The following SLC22A25 variants were observed in gnomAD, a reference collection of about 807,000 sequenced individuals.
The protein encoded by SLC22A25 is solute carrier family 22 member 25, also known as MGI:2442751, MGI:2385316, MGI:3042283, MGI:3645714, MGI:3605624, MGI:2442750.
SLC22A25 carries 44 observed loss-of-function variants against 45.9 expected under a neutral mutation model. That is an observed-to-expected ratio of 0.96 (90% confidence interval 0.75 to 1.23). The LOEUF is 1.23. Ranked by LOEUF, SLC22A25 falls within the 50% of genes most tolerant of loss-of-function variation. The probability of loss-of-function intolerance (pLI) is 0.00; values close to 1 mark genes in which losing one functional copy is unlikely to be tolerated. For synonymous variants in SLC22A25, 283 were observed against 238.6 expected, an observed-to-expected ratio of 1.19 and a Z score of -1.72; for missense variants, 800 against 666.4, an observed-to-expected ratio of 1.20 and a Z score of -2.21.
intron 7 of SLC22A25, among the ~76,000 whole-genome samples, chr11:63,194,255 G>A (rs1260742271): frequency 6.6e-6 from 1 of 152,110 alleles, no homozygotes; most frequent in East Asian, 1.9e-4. Flanking sequence ...ATATTATCCA[G>A]GAGAACTTCC....
At position 63,216,731 on chromosome 11, in the gene SLC22A25, T is replaced by C. The variant is rs570215334; in HGVS notation, c.830+583A>G. ...ACGGGTATTAGGCTTAATACCTAGGTGATAAAATAATCTGTACAACGAATC... is the reference window on the plus strand; with the variant it reads ...ACGGGTATTAGGCTTAATACCTAGGCGATAAAATAATCTGTACAACGAATC... On this transcript the variant is annotated intron_variant, in intron 7 of 11. Transcript: ENST00000306494. Among the ~76,000 whole-genome samples, 10 of 152,292 alleles carry C rather than the reference T, an allele frequency of 6.6e-5. No individual in the cohort carries two copies. The South Asian group carries it at 1.7e-3, about 25-fold the overall frequency.
intron 5 of SLC22A25, among the ~76,000 whole-genome samples, chr11:63,227,130 T>C (rs1045103888): frequency 2.0e-5 from 3 of 152,034 alleles, no homozygotes. Context: ...TTGGTGGTCT[T>C]CCCCACTGCG....
At chr11:63,218,040 G>T (rs937313355) in intron 5 of SLC22A25, 6 of 547,790 alleles carry the variant, frequency 1.1e-5, no homozygotes, top group African/African-American at 9.3e-5. Context: ...AATGTCCCTT[G>T]TGAAGACAAA....
chr11:63,224,835 G>C (rs12225186), intron 5 of SLC22A25, among the ~76,000 whole-genome samples: 55,753 of 152,018 alleles, frequency 0.37, 10,532 homozygotes, highest in East Asian at 0.56. Context: ...GGCGGTGGCT[G>C]ACGCCTGTAA....
chr11:63,242,113 C>G (rs1429000631), intron 1 of SLC22A25, among the ~76,000 whole-genome samples: 1 of 152,142 alleles, frequency 6.6e-6, no homozygotes, highest in Non-Finnish European at 1.5e-5. Context: ...AATAGAATTA[C>G]ATGGGCAGAA....
At chr11:63,211,435 G>A (rs1208909518) in intron 7 of SLC22A25, among the ~76,000 whole-genome samples, 1 of 152,104 alleles carries the variant, frequency 6.6e-6, no homozygotes, top group Non-Finnish European at 1.5e-5. Flanking sequence ...TTCCTGCTGA[G>A]GCCACGTGGT....
chr11:63,227,184 T>G (rs1329766225), intron 5 of SLC22A25, among the ~76,000 whole-genome samples: 1 of 151,962 alleles, frequency 6.6e-6, no homozygotes, highest in African/African-American at 2.4e-5. Flanking sequence ...CCCTTTATTC[T>G]TCCCTCTCCT....
At chr11:63,235,389 T>C (rs1411691278) in intron 3 of SLC22A25, among the ~76,000 whole-genome samples, 1 of 152,238 alleles carries the variant, frequency 6.6e-6, no homozygotes, top group African/African-American at 2.4e-5. Flanking sequence ...CTACATTTCA[T>C]TCATTTGATC....
At chr11:63,226,852 A>G (rs556559242) in intron 5 of SLC22A25, among the ~76,000 whole-genome samples, 1 of 152,218 alleles carries the variant, frequency 6.6e-6, no homozygotes, top group East Asian at 1.9e-4. Flanking sequence ...TGCCACCAAA[A>G]CCACAAGACA....
At position 63,161,592 on chromosome 11, in the gene SLC22A25, A is replaced by G. The variant is rs1187535970; in HGVS notation, c.*2232T>C. Among the ~76,000 whole-genome samples, 1 of 152,174 alleles carries G rather than the reference A, an allele frequency of 6.6e-6. No homozygotes were observed. The highest frequency in any genetic ancestry group is 1.5e-5 in the Non-Finnish European group (1 of 68,032). On this transcript the variant is annotated 3_prime_UTR_variant, in exon 12 of 12. Coordinates refer to ENST00000306494, the MANE Select transcript of SLC22A25 (RefSeq NM_199352.6). ...AAATCTCACATGATCTGATGGTTTT[A>G]TAAAAGGGAGTTTCCCTGCAAAAAT... is the stretch of plus-strand genomic sequence containing the variant.
At chr11:63,172,603 G>T (rs1239177223) in intron 9 of SLC22A25, among the ~76,000 whole-genome samples, 1 of 150,792 alleles carries the variant, frequency 6.6e-6, no homozygotes, top group Admixed American at 6.6e-5. Flanking sequence ...TCTCATGCCA[G>T]TTTGAAGAGG....
chr11:63,193,737 T>A (rs1197512427), intron 7 of SLC22A25, among the ~76,000 whole-genome samples: 4 of 152,208 alleles, frequency 2.6e-5, no homozygotes, highest in South Asian at 2.1e-4. Context: ...AAAATTCTAA[T>A]AACCAGAGTG....
intron 9 of SLC22A25, chr11:63,166,493 T>A (rs2087689640): frequency 7.8e-7 from 1 of 1,287,460 alleles, no homozygotes; most frequent in Non-Finnish European, 9.8e-7. Flanking sequence ...GGATGTGCTA[T>A]GGGGTTTATT....
intron 9 of SLC22A25, among the ~76,000 whole-genome samples, chr11:63,176,665 C>G (rs1368220156): frequency 6.6e-6 from 1 of 151,936 alleles, no homozygotes; most frequent in African/African-American, 2.4e-5. Context: ...GCTTAGTTTA[C>G]TTCTACCTTT....
intron 8 of SLC22A25, among the ~76,000 whole-genome samples, chr11:63,181,446 G>A (rs1029278832): frequency 5.1e-5 from 7 of 137,806 alleles, no homozygotes; most frequent in Non-Finnish European, 1.1e-4. Context: ...CTGTGTCCAT[G>A]TGTTCTCATT....
At chr11:63,177,993 A>G (rs2088177154) in intron 9 of SLC22A25, among the ~76,000 whole-genome samples, 1 of 150,368 alleles carries the variant, frequency 6.7e-6, no homozygotes, top group Non-Finnish European at 1.5e-5. Context: ...CTCCCATCTC[A>G]GCCTCCAGAG....
chr11:63,237,817 AGT>A, intron 3 of SLC22A25, 62 bp downstream of exon 3: 1 of 152,330 alleles, frequency 6.6e-6, no homozygotes, highest in East Asian at 1.9e-4. Flanking sequence ...GCCCCAGGAC[AGT>A]GTGATTTGCA....
At chr11:63,172,601 C>A (rs567281809) in intron 9 of SLC22A25, among the ~76,000 whole-genome samples, 18 of 151,518 alleles carry the variant, frequency 1.2e-4, no homozygotes, top group African/African-American at 4.1e-4. Flanking sequence ...CATCTCATGC[C>A]AGTTTGAAGA....
In SLC22A25 at chr11:63,177,284, T is replaced by C. The variant is rs1322338559; in HGVS notation, c.1070+3376A>G. Among the ~76,000 whole-genome samples the C allele has an allele frequency of 2.6e-5, 4 of 152,116 alleles. No homozygotes were observed. In the East Asian group the frequency reaches 7.7e-4, roughly 29 times the overall value. On this transcript the variant is annotated intron_variant, in intron 9 of 11. Coordinates refer to ENST00000306494, the MANE Select transcript of SLC22A25 (RefSeq NM_199352.6). The stretch of plus-strand genomic sequence containing the variant: ...GAGGCACTGTGATATTTTGATATAT[T>C]CATACAGTATATAATGATAAAACCT...
Sources: allele counts gnomAD v4.1 joint callset (sites outside exome capture counted in the v4.1 genomes callset), GRCh38; gene constraint gnomAD v4.1.1; transcripts MANE v1.5; gene names NCBI Gene and HGNC (gene_info 2026-07-23, HGNC 2026-07-21).